The following CLASP1 variants were observed in gnomAD, a reference collection of about 807,000 sequenced individuals.
The protein encoded by CLASP1 is CLIP-associating protein 1.
A neutral mutation model predicts 192.3 loss-of-function variants in CLASP1; 38 were observed. The ratio of observed to expected loss-of-function variants is 0.20; its 90% CI spans 0.15 to 0.26. The LOEUF (loss-of-function observed/expected upper bound fraction) is 0.26. Among genes scored for constraint, CLASP1 ranks in the 10% least tolerant of loss-of-function variants. The pLI is 1.00. For synonymous variants in CLASP1, 691 were observed against 712.8 expected (o/e 0.97, Z 0.49); for missense variants, 1,433 against 1,932.5 (o/e 0.74, Z 4.85).
At chr2:121,440,972 T>G (rs2083234759) in intron 19 of CLASP1, among the ~76,000 whole-genome samples, 1 of 152,188 alleles carries the variant, frequency 6.6e-6, no homozygotes, top group African/African-American at 2.4e-5. Context: ...CCTTTGACTT[T>G]CATGGAATAA....
rs781195244 is a variant in CLASP1 at position 121,410,912 on chromosome 2, A to G, written c.2378T>C (p.Val793Ala). 11 of 1,612,304 alleles carry G rather than the reference A, an allele frequency of 6.8e-6. No individual in the cohort carries two copies. The South Asian group carries it at 1.2e-4, about 18-fold the overall frequency. ...TTCAAGATCTGTACTTGTGCTCAGA[A>G]CTCTCATGGCATTCACAGAACCAGG... Residue 793 changes from valine (V) to alanine (A), a missense_variant, in exon 24 of 40, where the codon GTT becomes GCT. Coordinates refer to ENST00000263710, the Ensembl canonical transcript of CLASP1.
At chr2:121,617,703 T>G (rs1474921186) in intron 1 of CLASP1, among the ~76,000 whole-genome samples, 1 of 152,206 alleles carries the variant, frequency 6.6e-6, no homozygotes, top group Non-Finnish European at 1.5e-5. Context: ...TCTTGCTACT[T>G]CTCTGGTTGC....
At chr2:121,648,360 T>A (rs765446255) in intron 1 of CLASP1, among the ~76,000 whole-genome samples, 10 of 152,146 alleles carry the variant, frequency 6.6e-5, no homozygotes, top group Admixed American at 1.3e-4. Context: ...CATTGCCACA[T>A]CTACAAATGA....
intron 1 of CLASP1, among the ~76,000 whole-genome samples, chr2:121,636,670 A>C (rs1196064813): frequency 6.6e-6 from 1 of 152,030 alleles, no homozygotes; most frequent in East Asian, 1.9e-4. Context: ...CCTCTCAAAA[A>C]AATAACAATA....
chr2:121,424,838 T>G (rs2080110213), intron 22 of CLASP1, among the ~76,000 whole-genome samples: 1 of 152,214 alleles, frequency 6.6e-6, no homozygotes, highest in South Asian at 2.1e-4. Context: ...GCAACACTGC[T>G]TCTAATTGTG....
chr2:121,609,660 T>C (rs2064936757), intron 1 of CLASP1, among the ~76,000 whole-genome samples: 1 of 152,108 alleles, frequency 6.6e-6, no homozygotes, highest in African/African-American at 2.4e-5. Context: ...AAGCAAGTAA[T>C]GGCCGGGCGC....
chr2:121,395,536 A>C (rs774766733), intron 30 of CLASP1, among the ~76,000 whole-genome samples: 1 of 152,190 alleles, frequency 6.6e-6, no homozygotes, highest in South Asian at 2.1e-4. Flanking sequence ...TGCTTCAGAC[A>C]TATCAGTCTA....
intron 1 of CLASP1, among the ~76,000 whole-genome samples, chr2:121,617,193 ACTCC>A (rs2066612866): frequency 6.6e-6 from 1 of 151,030 alleles, no homozygotes; most frequent in African/African-American, 2.4e-5. Flanking sequence ...AGTCTCCCTG[ACTCC>A]CTCCCTATCT....
chr2:121,602,380 T>C (rs1162051380), intron 2 of CLASP1, among the ~76,000 whole-genome samples: 1 of 152,042 alleles, frequency 6.6e-6, no homozygotes, highest in Non-Finnish European at 1.5e-5. Context: ...ATAGTTAAAA[T>C]GACAATAGCA....
At chr2:121,560,608 C>T (rs10208901) in intron 2 of CLASP1, among the ~76,000 whole-genome samples, 37,968 of 152,184 alleles carry the variant, frequency 0.25, 7,524 homozygotes, top group African/African-American at 0.55. Flanking sequence ...CATCCCTCTG[C>T]TCCACGGTTA....
chr2:121,383,103 C>T (rs530752359), intron 32 of CLASP1, among the ~76,000 whole-genome samples: 1 of 152,186 alleles, frequency 6.6e-6, no homozygotes, highest in Non-Finnish European at 1.5e-5. Flanking sequence ...AGAGTTCTAA[C>T]AACTGTTGCA....
At chr2:121,605,240 T>C (rs1361133501) in intron 2 of CLASP1, among the ~76,000 whole-genome samples, 2 of 151,890 alleles carry the variant, frequency 1.3e-5, no homozygotes, top group East Asian at 3.9e-4. Context: ...CCTATTTCTG[T>C]CCAGGTACCT....
At chr2:121,383,926 C>T (rs970250210) in intron 32 of CLASP1, among the ~76,000 whole-genome samples, 3 of 149,988 alleles carry the variant, frequency 2.0e-5, no homozygotes, top group Non-Finnish European at 4.4e-5. Context: ...AAAGTTTAAC[C>T]TATTATCTAC....
intron 1 of CLASP1, among the ~76,000 whole-genome samples, chr2:121,615,627 T>C (rs781244375): frequency 4.2e-4 from 64 of 151,700 alleles, no homozygotes; most frequent in Non-Finnish European, 7.5e-4. Context: ...CCACTAAAAA[T>C]ATAGAAATTA....
chr2:121,547,178 C>T (rs1488635718), intron 2 of CLASP1, among the ~76,000 whole-genome samples: 1 of 152,214 alleles, frequency 6.6e-6, no homozygotes, highest in African/African-American at 2.4e-5. Flanking sequence ...AGGCCTGGGC[C>T]TCCAGCCACC....
intron 2 of CLASP1, among the ~76,000 whole-genome samples, chr2:121,542,765 A>G (rs530869429): frequency 2.0e-5 from 3 of 152,354 alleles, no homozygotes; most frequent in South Asian, 2.1e-4. Context: ...GTTATGGGCT[A>G]TTACCAGTAA....
chr2:121,472,708 G>C (rs1385624374), intron 8 of CLASP1, among the ~76,000 whole-genome samples: 1 of 152,176 alleles, frequency 6.6e-6, no homozygotes, highest in Non-Finnish European at 1.5e-5. Context: ...GAACTTCCAG[G>C]AAGCAAGGCA....
chr2:121,560,629 T>C (rs1393394916), intron 2 of CLASP1, among the ~76,000 whole-genome samples: 1 of 152,208 alleles, frequency 6.6e-6, no homozygotes, highest in Non-Finnish European at 1.5e-5. Flanking sequence ...TTTCCACCTC[T>C]AGGAATAAGG....
chr2:121,461,089 T>C lies in CLASP1; in HGVS notation c.1032+12A>G. The C allele has an allele frequency of 6.6e-7, 1 of 1,521,888 alleles. No homozygotes were observed. Among genetic ancestry groups the C allele is most frequent in the Non-Finnish European group, 9.0e-7 (1 of 1,110,258 alleles). The allele number at this position is 1,521,888 out of a possible 1,614,324, so 94.3% of individuals were successfully genotyped here. ...CTTATGAAAATGTAATCACATGAAGTCAACAGCTTACAGCATTTACTCTCT... is the reference window on the plus strand; with the variant it reads ...CTTATGAAAATGTAATCACATGAAGCCAACAGCTTACAGCATTTACTCTCT... On this transcript the variant is annotated intron_variant, in intron 11 of 39. Coordinates refer to ENST00000263710, the Ensembl canonical transcript of CLASP1.
Sources: allele counts gnomAD v4.1 joint callset (sites outside exome capture counted in the v4.1 genomes callset), GRCh38; gene constraint gnomAD v4.1.1; transcripts MANE v1.5; gene names NCBI Gene and HGNC (gene_info 2026-07-23, HGNC 2026-07-21).